TTC13: variants seen among roughly 807,000 people sequenced by gnomAD.
TTC13 encodes the protein tetratricopeptide repeat protein 13.
A neutral mutation model predicts 120.0 loss-of-function variants in TTC13; 62 were observed. The ratio of observed to expected loss-of-function variants is 0.52; its 90% CI spans 0.42 to 0.64. The LOEUF is 0.64. Among genes scored for constraint, TTC13 ranks in the 30% least tolerant of loss-of-function variants. The pLI, the probability that TTC13 is intolerant of heterozygous loss-of-function variation, is 0.00. For missense variants in TTC13, 824 were observed against 1,050.2 expected (o/e 0.78, Z 2.98); for synonymous variants, 384 against 393.5 (o/e 0.98, Z 0.28).
intron 8 of TTC13, among the ~76,000 whole-genome samples, chr1:230,937,243 C>T (rs1674149236): frequency 6.6e-6 from 1 of 152,174 alleles, no homozygotes; most frequent in Non-Finnish European, 1.5e-5. Context: ...CCCCAAAGAG[C>T]CCCATCCATG....
intron 1 of TTC13, among the ~76,000 whole-genome samples, chr1:230,966,529 T>C (rs1429662671): frequency 6.6e-6 from 1 of 152,240 alleles, no homozygotes; most frequent in Non-Finnish European, 1.5e-5. Context: ...AATACATATT[T>C]GTTGAGCATC....
At chr1:230,946,727 C>T (rs990858981) in intron 4 of TTC13, among the ~76,000 whole-genome samples, 3 of 152,166 alleles carry the variant, frequency 2.0e-5, no homozygotes, top group African/African-American at 7.2e-5. Flanking sequence ...GGTACAAGTC[C>T]ATCAGTTCAC....
Position 230,971,384 on chromosome 1 carries a change from T to C in TTC13, c.271+7176A>G, listed in dbSNP as rs182446886. ...AAAAAAAAGACAACCACAGTTGACATCATATACTGCATTGCTCAATGGCCC... is the reference window on the plus strand; with the variant it reads ...AAAAAAAAGACAACCACAGTTGACACCATATACTGCATTGCTCAATGGCCC... On this transcript the variant is annotated intron_variant, in intron 1 of 22. Transcript: ENST00000366661. Among the ~76,000 whole-genome samples the C allele has an allele frequency of 9.7e-5, 14 of 144,156 alleles. No homozygotes were observed. The East Asian group carries it at 2.4e-3, about 24-fold the overall frequency. The allele number at this position is 144,156 out of a possible 152,430, so 94.6% of individuals were successfully genotyped here.
chr1:230,931,895 G>T lies in TTC13; in HGVS notation c.984-18C>A. The T allele has an allele frequency of 6.2e-7, 1 of 1,611,668 alleles. No individual in the cohort carries two copies. The highest frequency in any genetic ancestry group is 8.5e-7 in the Non-Finnish European group (1 of 1,178,036). The stretch of plus-strand genomic sequence containing the variant: ...CCAGTTCTCTAGGTATTTAATAATA[G>T]TTATGAATACAGTATAGATATTACG... On this transcript the variant is annotated intron_variant, in intron 9 of 22. Transcript: ENST00000366661.
chr1:230,907,675 T>C (rs1218800314), intron 22 of TTC13, among the ~76,000 whole-genome samples: 1 of 152,198 alleles, frequency 6.6e-6, no homozygotes, highest in Non-Finnish European at 1.5e-5. Flanking sequence ...AAATTACAAA[T>C]TGAGCAATGG....
intron 1 of TTC13, among the ~76,000 whole-genome samples, chr1:230,964,795 G>C (rs1446819771): frequency 6.6e-6 from 1 of 151,788 alleles, no homozygotes; most frequent in Non-Finnish European, 1.5e-5. Context: ...CAGACTAATG[G>C]AACAAAATAG....
intron 4 of TTC13, among the ~76,000 whole-genome samples, chr1:230,952,177 ATC>A (rs1337354585): frequency 2.0e-5 from 3 of 152,100 alleles, no homozygotes; most frequent in Non-Finnish European, 4.4e-5. Flanking sequence ...TCTATTCCTT[ATC>A]AGTCATATGA....
chr1:230,961,985 C>G (rs559752199), intron 1 of TTC13, among the ~76,000 whole-genome samples: 2 of 151,660 alleles, frequency 1.3e-5, no homozygotes, highest in Non-Finnish European at 2.9e-5. Flanking sequence ...TCAAGGTGGG[C>G]GGATCACCTA....
At chr1:230,919,362 C>T (rs1007939049) in intron 17 of TTC13, among the ~76,000 whole-genome samples, 29 of 151,980 alleles carry the variant, frequency 1.9e-4, no homozygotes, top group Middle Eastern at 3.2e-3. Context: ...CCTCACATGA[C>T]GGAAGCTGGA....
intron 6 of TTC13, among the ~76,000 whole-genome samples, chr1:230,943,024 A>G (rs944017646): frequency 6.6e-6 from 1 of 152,210 alleles, no homozygotes; most frequent in African/African-American, 2.4e-5. Flanking sequence ...GGTCTATATC[A>G]TAAGAATTAC....
At chr1:230,924,523 G>A (rs1672884668) in intron 14 of TTC13, among the ~76,000 whole-genome samples, 1 of 152,110 alleles carries the variant, frequency 6.6e-6, no homozygotes, top group Non-Finnish European at 1.5e-5. Context: ...TAGCAGAGAC[G>A]GGGTTTCACC....
rs1052420755 is a variant in TTC13, at chr1:230,944,247, G to C, written c.580-349C>G. ...CCAGCACATGAAATGAGGCTGACCTGTGGCAACAGGGGAACAGAAATGGGT... is the reference window on the plus strand; with the variant it reads ...CCAGCACATGAAATGAGGCTGACCTCTGGCAACAGGGGAACAGAAATGGGT... On this transcript the variant is annotated intron_variant, in intron 5 of 22. Coordinates refer to ENST00000366661, the MANE Select transcript of TTC13 (RefSeq NM_024525.5). This position sits in a 1 kb window ranked among gnomAD's most constrained non-coding sequence, Gnocchi z 4.0. 1.2e-4 allele frequency among the ~76,000 whole-genome samples: 18 copies of C among 152,208 alleles called. No homozygotes were observed. The highest frequency in any genetic ancestry group is 4.3e-4 in the African/African-American group (18 of 41,462).
At chr1:230,947,165 G>A (rs1675077026) in intron 4 of TTC13, among the ~76,000 whole-genome samples, 2 of 151,950 alleles carry the variant, frequency 1.3e-5, no homozygotes, top group Non-Finnish European at 2.9e-5. Flanking sequence ...AAAGCACCAA[G>A]CAGAAAGTAA....
intron 1 of TTC13, among the ~76,000 whole-genome samples, chr1:230,976,598 C>T (rs537993742): frequency 6.6e-6 from 1 of 152,318 alleles, no homozygotes; most frequent in East Asian, 1.9e-4. Context: ...GCTACTCACA[C>T]AGCCAGGGGA....
intron 2 of TTC13, among the ~76,000 whole-genome samples, chr1:230,960,446 A>T (rs1676519595): frequency 6.6e-6 from 1 of 152,208 alleles, no homozygotes; most frequent in South Asian, 2.1e-4. Flanking sequence ...GGCAAGTCTA[A>T]TTCGAGAGTT....
chr1:230,967,351 A>G (rs759507300), intron 1 of TTC13, among the ~76,000 whole-genome samples: 10 of 152,140 alleles, frequency 6.6e-5, no homozygotes, highest in African/African-American at 1.7e-4. Context: ...TGTGTCAGCT[A>G]TGGGTTGAGA....
At chr1:230,929,211 A>G (rs1673316664) in intron 11 of TTC13, 118 bp from the exon 12 acceptor site, 3 of 1,136,798 alleles carry the variant, frequency 2.6e-6, no homozygotes, top group Non-Finnish European at 3.7e-6. Context: ...AATTCTAAAG[A>G]GTTTCTAAAT....
At chr1:230,909,788 G>A (rs1671311982) in intron 20 of TTC13, among the ~76,000 whole-genome samples, 1 of 152,238 alleles carries the variant, frequency 6.6e-6, no homozygotes, top group South Asian at 2.1e-4. Context: ...GGCTGTTAGA[G>A]GCCAGGGGAT....
intron 4 of TTC13, 78 bp downstream of exon 4, chr1:230,954,255 A>G (rs1675846953): frequency 5.1e-6 from 5 of 976,622 alleles, no homozygotes; most frequent in Middle Eastern, 2.2e-4. Flanking sequence ...GTCGTATTAC[A>G]GCACTTCAGC....
Sources: gnomAD v4.1 joint callset for allele counts (sites outside exome capture counted in the v4.1 genomes callset) on GRCh38, gnomAD v4.1.1 for gene constraint, Gnocchi (gnomAD v3.1) non-coding constraint, MANE v1.5 for transcripts, NCBI Gene and HGNC (gene_info 2026-07-23, HGNC 2026-07-21) for gene names.